AOPEP: variants seen among roughly 807,000 people sequenced by gnomAD.
AOPEP encodes aminopeptidase O (putative).
AOPEP carries 77 observed loss-of-function variants against 98.1 expected under a neutral mutation model. The ratio of observed to expected loss-of-function variants is 0.78; its 90% CI spans 0.65 to 0.95. AOPEP has a LOEUF of 0.95. Ranked by LOEUF, AOPEP falls within the 40% of genes least tolerant of loss-of-function variation. The probability of loss-of-function intolerance (pLI) is 0.00; values close to 1 mark genes in which losing one functional copy is unlikely to be tolerated. For missense variants in AOPEP, 1,024 were observed against 1,024.7 expected, an observed-to-expected ratio of 1.00 and a Z score of 0.01; for synonymous variants, 346 against 365.3, an observed-to-expected ratio of 0.95 and a Z score of 0.60.
chr9:95,105,078 A>T, the AOPEP span, among the ~76,000 whole-genome samples: 1 of 152,254 alleles, frequency 6.6e-6, no homozygotes, highest in African/African-American at 2.4e-5. Flanking sequence ...CCGGGCCCAA[A>T]GAGGTGGCAC....
chr9:94,873,514 C>T (rs1052768901), intron 5 of AOPEP, among the ~76,000 whole-genome samples: 1 of 152,106 alleles, frequency 6.6e-6, no homozygotes, highest in Non-Finnish European at 1.5e-5. Context: ...GGAGATAACT[C>T]TGAGAAGGAG....
chr9:95,026,381 T>C (rs748207157), intron 13 of AOPEP, among the ~76,000 whole-genome samples: 16 of 152,252 alleles, frequency 1.1e-4, no homozygotes, highest in Admixed American at 7.9e-4. Context: ...CTAGGCAACC[T>C]GTAAATCTAC....
chr9:95,091,516 G>A (rs548387847), downstream of AOPEP, among the ~76,000 whole-genome samples: 7 of 152,304 alleles, frequency 4.6e-5, no homozygotes, highest in African/African-American at 7.2e-5. Context: ...ATAGGGGCAC[G>A]GAGACGGTGG....
chr9:94,809,054 A>G (rs1849896011), intron 5 of AOPEP, among the ~76,000 whole-genome samples: 1 of 152,240 alleles, frequency 6.6e-6, no homozygotes, highest in Admixed American at 6.5e-5. Context: ...CTCGACAAAC[A>G]TGTATCAACG....
At chr9:95,140,171 C>T in the AOPEP span, among the ~76,000 whole-genome samples, 4 of 152,198 alleles carry the variant, frequency 2.6e-5, no homozygotes, top group East Asian at 1.9e-4. Context: ...TAATACATTA[C>T]TATTTTCTCC....
chr9:95,037,047 C>T (rs1042282311), intron 13 of AOPEP, among the ~76,000 whole-genome samples: 3 of 152,184 alleles, frequency 2.0e-5, no homozygotes, highest in Non-Finnish European at 4.4e-5. Context: ...TAGTTGAACA[C>T]CACAGATGTA....
intron 9 of AOPEP, among the ~76,000 whole-genome samples, chr9:94,966,593 G>A (rs143725915): frequency 6.0e-4 from 92 of 152,202 alleles, no homozygotes; most frequent in Admixed American, 2.6e-3. Flanking sequence ...TATTGTTCTT[G>A]TTTGTTTCAT....
chr9:95,086,077 C>G, intron 16 of AOPEP: 2 of 1,367,646 alleles, frequency 1.5e-6, no homozygotes, highest in Non-Finnish European at 2.0e-6. Context: ...CTCAGTTCAG[C>G]AGGAACAGGA....
intron 6 of AOPEP, among the ~76,000 whole-genome samples, chr9:94,926,495 G>A (rs980891567): frequency 3.9e-5 from 6 of 152,212 alleles, no homozygotes; most frequent in Non-Finnish European, 1.5e-5. Flanking sequence ...AGGCAAAATT[G>A]CCATTCTAGA....
the AOPEP span, among the ~76,000 whole-genome samples, chr9:95,124,284 A>C: frequency 6.6e-6 from 1 of 152,118 alleles, no homozygotes. Context: ...GCACTGGACC[A>C]GCACCACTCT....
chr9:94,894,047 ATAAAT>A (rs1015508514), intron 5 of AOPEP, among the ~76,000 whole-genome samples: 1 of 152,228 alleles, frequency 6.6e-6, no homozygotes, highest in Non-Finnish European at 1.5e-5. Flanking sequence ...GGGTCAAAGA[ATAAAT>A]TAACCCCAAA....
intron 13 of AOPEP, among the ~76,000 whole-genome samples, chr9:95,053,808 C>G (rs919125768): frequency 6.6e-6 from 1 of 152,306 alleles, no homozygotes; most frequent in Middle Eastern, 3.4e-3. Context: ...CAGCCTCCAA[C>G]TCCAGGGCTC....
At chr9:94,894,727 G>C (rs1247040434) in intron 5 of AOPEP, among the ~76,000 whole-genome samples, 1 of 152,130 alleles carries the variant, frequency 6.6e-6, no homozygotes, top group East Asian at 1.9e-4. Context: ...GCCATAACCT[G>C]ACAAGTTAGA....
At chr9:94,988,532 T>C (rs751603175) in intron 11 of AOPEP, among the ~76,000 whole-genome samples, 1 of 152,132 alleles carries the variant, frequency 6.6e-6, no homozygotes, top group Non-Finnish European at 1.5e-5. Context: ...TAATATTTGC[T>C]AGGTATATGA....
intron 11 of AOPEP, among the ~76,000 whole-genome samples, chr9:94,995,053 C>G (rs544064922): frequency 6.6e-6 from 1 of 152,134 alleles, no homozygotes; most frequent in East Asian, 1.9e-4. Flanking sequence ...GGAATTATCT[C>G]CTTTATAATA....
At chr9:95,114,804 G>T in the AOPEP span, 1 of 1,051,122 alleles carries the variant, frequency 9.5e-7, no homozygotes, top group Non-Finnish European at 1.5e-6. Flanking sequence ...GTCTTTGGGA[G>T]ACGCCCTTTA....
chr9:95,098,941 C>A, the AOPEP span: 1,991 of 172,628 alleles, frequency 0.012, 53 homozygotes, highest in African/African-American at 0.044. Context: ...AAGCCATCCT[C>A]GGTCTCTTCC....
Position 94,978,809 on chromosome 9 carries a change from A to G in AOPEP, c.1917-558A>G, listed in dbSNP as rs142260117. ...TTTCAGCTGACTTTAGATTGGACAT[A>G]TCAAGCAATGATAACACCTCAAATA... On this transcript the variant is annotated intron_variant, in intron 10 of 16. Coordinates refer to ENST00000375315, the MANE Select transcript of AOPEP (RefSeq NM_001193329.3). 2.2e-3 allele frequency among the ~76,000 whole-genome samples: 330 copies of G among 152,308 alleles called. 1 individual carries two copies. Among genetic ancestry groups the G allele is most frequent in the African/African-American group, 7.3e-3 (302 of 41,564 alleles).
chr9:95,093,689 G>A, the AOPEP span, among the ~76,000 whole-genome samples: 4 of 152,120 alleles, frequency 2.6e-5, no homozygotes, highest in African/African-American at 4.8e-5. Flanking sequence ...CGGCAAGCAC[G>A]TGTGCAGGCC....
Sources: gnomAD v4.1 joint callset for allele counts (sites outside exome capture counted in the v4.1 genomes callset) on GRCh38, gnomAD v4.1.1 for gene constraint, MANE v1.5 for transcripts, NCBI Gene and HGNC (gene_info 2026-07-23, HGNC 2026-07-21) for gene names.